PPP4R4: variants seen among roughly 807,000 people sequenced by gnomAD.
PPP4R4 encodes the protein protein phosphatase 4 regulatory subunit 4, also known as serine/threonine-protein phosphatase 4 regulatory subunit 4.
In PPP4R4, 70 loss-of-function variants were observed where a neutral mutation model predicts 121.8. That is an observed-to-expected ratio of 0.57 (90% CI 0.47 to 0.70). PPP4R4 has a LOEUF of 0.70. Among genes scored for constraint, PPP4R4 ranks in the 30% least tolerant of loss-of-function variants. PPP4R4 has a pLI of 0.00. For synonymous variants in PPP4R4, 348 were observed against 355.7 expected, an observed-to-expected ratio of 0.98 and a Z score of 0.24; for missense variants, 875 against 1,033.6, an observed-to-expected ratio of 0.85 and a Z score of 2.10.
At chr14:94,181,392 A>C (rs1221493320) in intron 2 of PPP4R4, among the ~76,000 whole-genome samples, 2 of 152,218 alleles carry the variant, frequency 1.3e-5, no homozygotes, top group East Asian at 3.8e-4. Context: ...CATTCTTCAC[A>C]ATTAAGATAG....
At chr14:94,177,893 A>G (rs1272909856) in intron 2 of PPP4R4, among the ~76,000 whole-genome samples, 2 of 152,202 alleles carry the variant, frequency 1.3e-5, no homozygotes, top group Non-Finnish European at 2.9e-5. Context: ...AAGAGATTCA[A>G]TATCTCCTTT....
At chr14:94,263,532 A>G (rs1188169789) in intron 19 of PPP4R4, among the ~76,000 whole-genome samples, 1 of 152,142 alleles carries the variant, frequency 6.6e-6, no homozygotes, top group Admixed American at 6.5e-5. Flanking sequence ...TTATTATTTC[A>G]GCAGCCTTTC....
chr14:94,258,792 G>A lies in PPP4R4; in HGVS notation c.2020G>A (p.Glu674Lys). 1 of 1,579,374 alleles carries A rather than the reference G, an allele frequency of 6.3e-7. No homozygotes were observed. The highest frequency in any genetic ancestry group is 8.7e-7 in the Non-Finnish European group (1 of 1,149,086). The change falls in exon 18 of 25, where the codon GAG becomes AAG. Residue 674 changes from glutamate to lysine, a missense_variant. Transcript: ENST00000304338. ...AAAACTTTCCTTATAGACTGTATTA[G>A]AGTTGGACAGAATGGAAATGTCTAT... ...VLAIVKRTVL[E>K]LDRMEMSMDA...
At chr14:94,214,546 A>G (rs920051395) in intron 3 of PPP4R4, among the ~76,000 whole-genome samples, 10 of 151,782 alleles carry the variant, frequency 6.6e-5, no homozygotes, top group Non-Finnish European at 1.5e-4. Context: ...AAATAATAGG[A>G]AAAAATAATA....
chr14:94,245,521 C>T (rs1336936611), intron 12 of PPP4R4, 66 bp from the exon 13 acceptor site: 1 of 799,652 alleles, frequency 1.3e-6, no homozygotes, highest in East Asian at 2.9e-5. Flanking sequence ...TAGAAATTGA[C>T]ATGTAGAATT....
intron 23 of PPP4R4, among the ~76,000 whole-genome samples, chr14:94,270,576 G>C (rs1029400445): frequency 6.6e-6 from 1 of 152,106 alleles, no homozygotes; most frequent in African/African-American, 2.4e-5. Flanking sequence ...TAAATCAATG[G>C]TGATAGAATA....
chr14:94,193,386 C>T lies in PPP4R4; in HGVS notation c.192-15078C>T, dbSNP rs546191778. 4.6e-5 allele frequency among the ~76,000 whole-genome samples: 7 copies of T among 152,212 alleles called. No homozygotes were observed. In the South Asian group the frequency reaches 1.5e-3, roughly 32 times the overall value. On this transcript the variant is annotated intron_variant, in intron 2 of 24. Coordinates refer to ENST00000304338, the MANE Select transcript of PPP4R4 (RefSeq NM_058237.2). ...ACTTTAGGCAAGTACCTTAATTTCTCTAAGCTCTAATTTCCCCATCTACAA... is the reference window on the plus strand; with the variant it reads ...ACTTTAGGCAAGTACCTTAATTTCTTTAAGCTCTAATTTCCCCATCTACAA...
At chr14:94,239,016 G>T (rs191529419) in intron 8 of PPP4R4, among the ~76,000 whole-genome samples, 1 of 151,982 alleles carries the variant, frequency 6.6e-6, no homozygotes, top group African/African-American at 2.4e-5. Context: ...ACAGAGCTGG[G>T]CCTAACCTGT....
chr14:94,260,116 A>G (rs1893697656), intron 19 of PPP4R4, among the ~76,000 whole-genome samples: 1 of 152,154 alleles, frequency 6.6e-6, no homozygotes. Context: ...TAACTTAAAA[A>G]TAAAATAAAA....
In PPP4R4 at chr14:94,232,790, G is replaced by A. The variant is rs1892115729; in HGVS notation, c.517-863G>A. Among the ~76,000 whole-genome samples the A allele has an allele frequency of 1.3e-5, 2 of 152,146 alleles. 1 individual carries two copies. The highest frequency in any genetic ancestry group is 2.9e-5 in the Non-Finnish European group (2 of 68,012). ...AGCGAGATTATGGGCTGGGCGCGGT[G>A]GCTCACACCTGTAATCCCAGCCCTG... On this transcript the variant is annotated intron_variant, in intron 5 of 24. Coordinates refer to ENST00000304338, the MANE Select transcript of PPP4R4 (RefSeq NM_058237.2).
chr14:94,179,375 A>G (rs968736383), intron 2 of PPP4R4, among the ~76,000 whole-genome samples: 9 of 152,190 alleles, frequency 5.9e-5, no homozygotes, highest in African/African-American at 2.2e-4. Context: ...TTCAAGGTTC[A>G]CCCATGTTGT....
intron 2 of PPP4R4, among the ~76,000 whole-genome samples, chr14:94,187,542 G>C (rs191786487): frequency 3.8e-4 from 57 of 151,952 alleles, no homozygotes; most frequent in African/African-American, 1.3e-3. Context: ...ACATAATCAT[G>C]GTACATCTTT....
In PPP4R4 at chr14:94,264,909, A is replaced by G; in HGVS notation, c.2159A>G (p.Asp720Gly). The G allele has an allele frequency of 6.2e-7, 1 of 1,605,972 alleles. No homozygotes were observed. Among genetic ancestry groups the G allele is most frequent in the Non-Finnish European group, 8.5e-7 (1 of 1,177,594 alleles). ...EQLEKEKQQN[D>G]GRPMSDKMFE... is the part of the protein sequence containing the mutation. ...TTAGAGAAAGAAAAGCAACAGAATGATGGAAGGCCCATGAGTGATAAAATG... is the reference window on the plus strand; with the variant it reads ...TTAGAGAAAGAAAAGCAACAGAATGGTGGAAGGCCCATGAGTGATAAAATG... Residue 720 changes from aspartate (D) to glycine (G), a missense_variant, in exon 20 of 25, where the codon GAT (aspartate) becomes GGT (glycine). By Grantham distance (94) the Asp-to-Gly change is moderately conservative. Coordinates refer to ENST00000304338, the MANE Select transcript of PPP4R4 (RefSeq NM_058237.2).
intron 14 of PPP4R4, among the ~76,000 whole-genome samples, chr14:94,249,897 G>A (rs1250872339): frequency 6.6e-6 from 1 of 152,048 alleles, no homozygotes; most frequent in Non-Finnish European, 1.5e-5. Context: ...GGGTGTATTT[G>A]ATCATGTAAG....
At chr14:94,275,820 A>G (rs963116425) in intron 24 of PPP4R4, among the ~76,000 whole-genome samples, 1 of 152,188 alleles carries the variant, frequency 6.6e-6, no homozygotes, top group African/African-American at 2.4e-5. Flanking sequence ...ATTTATCTCT[A>G]AGAAGGCATC....
intron 3 of PPP4R4, among the ~76,000 whole-genome samples, chr14:94,220,166 A>G (rs1346557570): frequency 6.6e-6 from 1 of 152,160 alleles, no homozygotes; most frequent in Non-Finnish European, 1.5e-5. Context: ...AGTTGCAGTG[A>G]GCCGAGATTG....
rs142867707 is a variant in PPP4R4 at position 94,265,707 on chromosome 14, A to G, written c.2285-87A>G. On this transcript the variant is annotated intron_variant, in intron 21 of 24. Coordinates refer to ENST00000304338, the MANE Select transcript of PPP4R4 (RefSeq NM_058237.2). Reference sequence around the variant, plus strand: ...GCTAAAGCCATCTGTGTTTTACTGAAAATGATGGTAGTTGGGGAGGGAATG... The same window carrying G: ...GCTAAAGCCATCTGTGTTTTACTGAGAATGATGGTAGTTGGGGAGGGAATG... 437 of 1,026,742 alleles carry G rather than the reference A, an allele frequency of 4.3e-4. 3 individuals carry two copies. In the African/African-American group the frequency reaches 6.2e-3, roughly 15 times the overall value. 63.6% of individuals were successfully genotyped at this position (1,026,742 alleles called of 1,614,324 possible).
chr14:94,229,847 C>G (rs901218351), intron 3 of PPP4R4, among the ~76,000 whole-genome samples: 3 of 152,108 alleles, frequency 2.0e-5, no homozygotes, highest in Non-Finnish European at 4.4e-5. Context: ...CACACACTTT[C>G]TCTCTCTATC....
chr14:94,265,137 C>T (rs1893973415), intron 20 of PPP4R4, among the ~76,000 whole-genome samples, 190 bp downstream of exon 20: 2 of 152,168 alleles, frequency 1.3e-5, no homozygotes, highest in Non-Finnish European at 1.5e-5. Context: ...GAATGAAAGG[C>T]AGGAACCAGG....
Sources: allele counts gnomAD v4.1 joint callset (sites outside exome capture counted in the v4.1 genomes callset), GRCh38; gene constraint gnomAD v4.1.1; transcripts MANE v1.5; gene names NCBI Gene and HGNC (gene_info 2026-07-23, HGNC 2026-07-21).